CCDC138: variants seen among roughly 807,000 people sequenced by gnomAD.
The protein encoded by CCDC138 is coiled-coil domain containing 138.
A neutral mutation model predicts 82.3 loss-of-function variants in CCDC138; 66 were observed. That is an observed-to-expected ratio of 0.80 (90% CI 0.66 to 0.98). The LOEUF is 0.98. CCDC138 is among the 50% of genes least tolerant of loss of function. The pLI, the probability that CCDC138 is intolerant of heterozygous loss-of-function variation, is 0.00. For synonymous variants in CCDC138, 297 were observed against 265.4 expected (o/e 1.12, Z -1.16); for missense variants, 816 against 758.9 (o/e 1.08, Z -0.88).
At chr2:108,825,331 G>A (rs537346160) in intron 10 of CCDC138, among the ~76,000 whole-genome samples, 1 of 151,962 alleles carries the variant, frequency 6.6e-6, no homozygotes, top group South Asian at 2.1e-4. Context: ...ACATATACAA[G>A]TAGCATTTTA....
At position 108,811,247 on chromosome 2, in the gene CCDC138, C is replaced by CTCTTTTTTTTTTTTTTTTTTTTTT. The variant is rs760937756; in HGVS notation, c.856-1383_856-1382insCTTTTTTTTTTTTTTTTTTTTTTT. Among the ~76,000 whole-genome samples, 48 of 113,874 alleles carry CTCTTTTTTTTTTTTTTTTTTTTTT rather than the reference C, an allele frequency of 4.2e-4. 2 individuals are homozygous for CTCTTTTTTTTTTTTTTTTTTTTTT. Among genetic ancestry groups the CTCTTTTTTTTTTTTTTTTTTTTTT allele is most frequent in the African/African-American group, 1.4e-3 (38 of 26,248 alleles). 74.7% of individuals were successfully genotyped at this position (113,874 alleles called of 152,430 possible). A position where few individuals can be genotyped will look rare whatever the true frequency, so the allele number is the denominator to read the frequency against. On this transcript the variant is annotated intron_variant, in intron 7 of 14. Transcript: ENST00000295124. ...CTCCCTTTTCTTTCTTTCTCTCTCT[C>CTCTTTTTTTTTTTTTTTTTTTTTT]TTTTTTTTTTTTTTTGACTGTCTCC...
At chr2:108,811,245 C>CTTTTTTTTT (rs144518921) in intron 7 of CCDC138, among the ~76,000 whole-genome samples, 1,300 of 109,486 alleles carry the variant, frequency 0.012, 158 homozygotes, top group African/African-American at 0.051. Context: ...CTTTCTCTCT[C>CTTTTTTTTT]TCTTTTTTTT....
intron 10 of CCDC138, among the ~76,000 whole-genome samples, chr2:108,829,652 A>G (rs1041116919): frequency 3.3e-5 from 5 of 152,210 alleles, no homozygotes; most frequent in Non-Finnish European, 7.3e-5. Flanking sequence ...AGGCTGAGGC[A>G]TGGGAATCGC....
At position 108,840,805 on chromosome 2, in the gene CCDC138, T is replaced by G. The variant is rs112581358; in HGVS notation, c.1323+1504T>G. 2.2e-3 allele frequency among the ~76,000 whole-genome samples: 336 copies of G among 152,026 alleles called. 1 individual carries two copies. The highest frequency in any genetic ancestry group is 3.6e-3 in the Non-Finnish European group (248 of 67,974). ...TTTCATTTCTTTTTTTCTTTTTTTC[T>G]TTTTTTCTTTTTATTTTTTTGAGAC... On this transcript the variant is annotated intron_variant, in intron 11 of 14. Transcript: ENST00000295124.
chr2:108,864,741 T>C (rs1170805166), intron 13 of CCDC138, among the ~76,000 whole-genome samples: 5 of 149,116 alleles, frequency 3.4e-5, no homozygotes, highest in Admixed American at 3.3e-4. Context: ...TTGCAGTGAG[T>C]TGAGAGTGTG....
rs148283548 is a variant in CCDC138 at position 108,816,053 on chromosome 2, C to T, written c.1154C>T (p.Pro385Leu). Residue 385 changes from proline to leucine, a missense_variant, in exon 10 of 15, where the codon CCA becomes CTA. Coordinates refer to ENST00000295124, the MANE Select transcript of CCDC138 (RefSeq NM_144978.3). ...GAATCTGGAATGGATGGTAAAAAAC[C>T]ACAACTCAAATTTGCTTCCCAGAGA... ...HEESGMDGKK[P>L]QLKFASQRND... The T allele has an allele frequency of 3.9e-4, 630 of 1,613,162 alleles. No homozygotes were observed. Among genetic ancestry groups the T allele is most frequent in the South Asian group, 1.8e-3 (164 of 90,844 alleles).
intron 1 of CCDC138, among the ~76,000 whole-genome samples, chr2:108,881,989 C>CA (rs1406212751): frequency 6.6e-6 from 1 of 151,740 alleles, no homozygotes; most frequent in Non-Finnish European, 1.5e-5. Context: ...ACAAAAAGAG[C>CA]AAAAACAGAA....
At chr2:108,834,462 G>T (rs904082008) in intron 10 of CCDC138, among the ~76,000 whole-genome samples, 1 of 151,942 alleles carries the variant, frequency 6.6e-6, no homozygotes, top group African/African-American at 2.4e-5. Flanking sequence ...TGATCCACAC[G>T]CCTTGGCCTC....
intron 14 of CCDC138, among the ~76,000 whole-genome samples, chr2:108,875,709 A>T (rs951099502): frequency 1.3e-5 from 2 of 152,078 alleles, no homozygotes; most frequent in African/African-American, 4.8e-5. Context: ...AATAAACAAA[A>T]TTAGCCAGGT....
downstream of CCDC138, among the ~76,000 whole-genome samples, chr2:108,878,801 A>G (rs1349391879): frequency 2.0e-5 from 3 of 152,222 alleles, no homozygotes; most frequent in East Asian, 1.9e-4. Flanking sequence ...GTTAACTACA[A>G]TCTTCTACAT....
At chr2:108,809,475 TGTGTG>T (rs1683425500) in intron 7 of CCDC138, among the ~76,000 whole-genome samples, 1 of 151,954 alleles carries the variant, frequency 6.6e-6, no homozygotes, top group African/African-American at 2.4e-5. Context: ...TGTGTGTGTG[TGTGTG>T]TGTGTGTGAT....
intron 12 of CCDC138, among the ~76,000 whole-genome samples, chr2:108,850,834 A>G (rs1691353928): frequency 6.6e-6 from 1 of 151,730 alleles, no homozygotes; most frequent in Non-Finnish European, 1.5e-5. Flanking sequence ...GACAATAATC[A>G]TCCACACAGA....
intron 13 of CCDC138, among the ~76,000 whole-genome samples, chr2:108,866,019 T>A (rs960594078): frequency 3.9e-5 from 6 of 152,128 alleles, no homozygotes; most frequent in Non-Finnish European, 8.8e-5. Flanking sequence ...GTTCCTGTCT[T>A]ATGGAGCTGT....
intron 5 of CCDC138, among the ~76,000 whole-genome samples, chr2:108,797,880 A>G (rs1681166744): frequency 6.6e-6 from 1 of 152,134 alleles, no homozygotes; most frequent in Admixed American, 6.6e-5. Context: ...TGAACATATA[A>G]AAAGATTTTT....
chr2:108,802,943 C>A (rs894882109), intron 6 of CCDC138, among the ~76,000 whole-genome samples: 3 of 152,032 alleles, frequency 2.0e-5, no homozygotes, highest in African/African-American at 7.2e-5. Flanking sequence ...TATTGATTTG[C>A]GTATATTGAA....
chr2:108,865,198 C>T (rs1446127465), intron 13 of CCDC138, among the ~76,000 whole-genome samples: 1 of 152,036 alleles, frequency 6.6e-6, no homozygotes, highest in Non-Finnish European at 1.5e-5. Flanking sequence ...TATATAAATG[C>T]ATAATTTCTT....
Position 108,810,432 on chromosome 2 carries a change from T to C in CCDC138, c.856-2199T>C, listed in dbSNP as rs552518324. Among the ~76,000 whole-genome samples the C allele has an allele frequency of 2.0e-5, 3 of 152,376 alleles. No homozygotes were observed. The East Asian group carries it at 5.8e-4, about 29-fold the overall frequency. On this transcript the variant is annotated intron_variant, in intron 7 of 14. Coordinates refer to ENST00000295124, the MANE Select transcript of CCDC138 (RefSeq NM_144978.3). The stretch of plus-strand genomic sequence containing the variant: ...AAGGTAATTATATTTCATTCTGTTA[T>C]ACTCTTCATTCTGTTAAAACGTGAT...
At chr2:108,865,483 T>TCTGG (rs1387030858) in intron 13 of CCDC138, among the ~76,000 whole-genome samples, 1 of 152,236 alleles carries the variant, frequency 6.6e-6, no homozygotes, top group African/African-American at 2.4e-5. Context: ...TCTGTTGATG[T>TCTGG]TTTTGTGCCA....
intron 13 of CCDC138, among the ~76,000 whole-genome samples, chr2:108,862,933 G>A (rs964949590): frequency 3.0e-5 from 2 of 66,464 alleles, no homozygotes; most frequent in African/African-American, 1.1e-4. Context: ...TTTAAATTCT[G>A]TGTTTCAATT....
Sources: allele counts gnomAD v4.1 joint callset (sites outside exome capture counted in the v4.1 genomes callset), GRCh38; gene constraint gnomAD v4.1.1; transcripts MANE v1.5; gene names NCBI Gene and HGNC (gene_info 2026-07-23, HGNC 2026-07-21).